The following PDE4B variants were observed in gnomAD, a reference collection of about 807,000 sequenced individuals.
PDE4B encodes 3',5'-cyclic-AMP phosphodiesterase 4B.
Under a neutral mutation model 82.2 loss-of-function variants are expected in PDE4B, and 20 were observed. That is an observed-to-expected ratio of 0.24 (90% CI 0.17 to 0.35). PDE4B has a LOEUF of 0.35. Among genes scored for constraint, PDE4B ranks in the 10% least tolerant of loss-of-function variants. The probability of loss-of-function intolerance (pLI) is 1.00; values close to 1 mark genes in which losing one functional copy is unlikely to be tolerated. For synonymous variants in PDE4B, 320 were observed against 318.9 expected (o/e 1.00, Z -0.04); for missense variants, 655 against 907.2 (o/e 0.72, Z 3.57).
chr1:66,257,339 G>T, intron 4 of PDE4B: 2 of 445,970 alleles, frequency 4.5e-6, no homozygotes, highest in Non-Finnish European at 8.7e-6. Context: ...TCCACAAGTC[G>T]CTTTGAATTA....
intron 1 of PDE4B, among the ~76,000 whole-genome samples, chr1:65,829,766 G>A (rs137927797): frequency 2.1e-3 from 315 of 152,232 alleles, no homozygotes; most frequent in African/African-American, 6.5e-3. Context: ...AAAAGCATCT[G>A]GTACAGATAA....
intron 3 of PDE4B, among the ~76,000 whole-genome samples, chr1:66,069,878 A>G (rs1482323134): frequency 6.6e-6 from 1 of 152,010 alleles, no homozygotes; most frequent in Non-Finnish European, 1.5e-5. Context: ...ACTTATATTT[A>G]TGATTACAAA....
At chr1:66,042,026 A>G (rs1014361353) in intron 3 of PDE4B, among the ~76,000 whole-genome samples, 5 of 151,916 alleles carry the variant, frequency 3.3e-5, no homozygotes, top group Admixed American at 6.6e-5. Flanking sequence ...TCTTGATTCT[A>G]TTTTTATTAC....
At chr1:66,028,105 G>A (rs1054422169) in intron 3 of PDE4B, among the ~76,000 whole-genome samples, 3 of 152,170 alleles carry the variant, frequency 2.0e-5, no homozygotes, top group African/African-American at 7.2e-5. Flanking sequence ...TGAGGGTGCC[G>A]CCTCTGCAGC....
intron 1 of PDE4B, among the ~76,000 whole-genome samples, chr1:65,817,297 G>A (rs1645897401): frequency 9.9e-5 from 15 of 152,190 alleles, no homozygotes; most frequent in Admixed American, 9.8e-4. Context: ...GAACCTTGTT[G>A]ACAGGGAACC....
intron 7 of PDE4B, among the ~76,000 whole-genome samples, chr1:66,303,083 C>CA (rs1229423020): frequency 6.6e-6 from 1 of 152,122 alleles, no homozygotes; most frequent in Non-Finnish European, 1.5e-5. Flanking sequence ...ACTAAGAATA[C>CA]TTATTCACGA....
intron 3 of PDE4B, among the ~76,000 whole-genome samples, chr1:66,138,446 G>C (rs1013197804): frequency 5.3e-5 from 8 of 152,248 alleles, no homozygotes; most frequent in Non-Finnish European, 8.8e-5. Flanking sequence ...TTAAACCCTG[G>C]AGGCGGAGGT....
chr1:66,131,068 TA>T (rs1203246802), intron 3 of PDE4B, among the ~76,000 whole-genome samples: 4 of 152,342 alleles, frequency 2.6e-5, no homozygotes, highest in African/African-American at 9.6e-5. Flanking sequence ...ATGGCCCTTA[TA>T]AGGTTAGGCC....
intron 7 of PDE4B, among the ~76,000 whole-genome samples, chr1:66,274,867 T>C (rs552396052): frequency 6.6e-6 from 1 of 152,334 alleles, no homozygotes; most frequent in East Asian, 1.9e-4. Flanking sequence ...GAAAGCCCTG[T>C]TGAGCTCTTT....
intron 7 of PDE4B, among the ~76,000 whole-genome samples, chr1:66,276,689 C>A (rs1189763113): frequency 6.6e-6 from 1 of 152,160 alleles, no homozygotes; most frequent in Non-Finnish European, 1.5e-5. Context: ...GTATACAAGG[C>A]ACTGTGTTAG....
At position 66,354,813 on chromosome 1, in the gene PDE4B, G is replaced by A. The variant is rs1338434694; in HGVS notation, c.748-714G>A. The A allele has an allele frequency of 5.2e-6, 8 of 1,535,390 alleles. No homozygotes were observed. In the African/African-American group the frequency reaches 1.1e-4, roughly 21 times the overall value. On this transcript the variant is annotated intron_variant, in intron 8 of 16. Transcript: ENST00000341517. ...TCAGAACTGTGAATTCTTTCAAAGG[G>A]ATTTGTGGATTGTGGCAAGGAGAGC... is the stretch of plus-strand genomic sequence containing the variant.
intron 7 of PDE4B, among the ~76,000 whole-genome samples, chr1:66,322,747 A>G (rs1659499262): frequency 1.3e-5 from 2 of 151,764 alleles, no homozygotes; most frequent in South Asian, 2.1e-4. Context: ...TTTTGGGGGG[A>G]CACATTTAGA....
chr1:66,106,832 C>T (rs371624385), intron 3 of PDE4B, among the ~76,000 whole-genome samples: 1 of 100,692 alleles, frequency 9.9e-6, no homozygotes, highest in Non-Finnish European at 2.3e-5. Flanking sequence ...TCTCTCTTTT[C>T]TTCTTTATTA....
intron 3 of PDE4B, among the ~76,000 whole-genome samples, chr1:66,159,536 T>G (rs2088819): frequency 1.3e-5 from 2 of 151,956 alleles, no homozygotes; most frequent in Non-Finnish European, 2.9e-5. Flanking sequence ...CCACCACACC[T>G]GGCCAAAATA....
At chr1:66,004,154 TA>T (rs1652020998) in intron 3 of PDE4B, among the ~76,000 whole-genome samples, 1 of 152,182 alleles carries the variant, frequency 6.6e-6, no homozygotes, top group African/African-American at 2.4e-5. Context: ...TTAAATGAAG[TA>T]ATGTGTGTAT....
At chr1:66,304,268 T>A (rs912759544) in intron 7 of PDE4B, among the ~76,000 whole-genome samples, 2 of 152,124 alleles carry the variant, frequency 1.3e-5, no homozygotes, top group African/African-American at 4.8e-5. Context: ...GCAAAAGCAG[T>A]CATAGGCAAT....
chr1:66,154,750 G>A (rs1646469318), intron 3 of PDE4B, among the ~76,000 whole-genome samples: 1 of 152,160 alleles, frequency 6.6e-6, no homozygotes, highest in African/African-American at 2.4e-5. Context: ...CTCTTCTCAT[G>A]CCTGTCTCTT....
chr1:66,090,057 A>T (rs1394998583), intron 3 of PDE4B, among the ~76,000 whole-genome samples: 1 of 152,102 alleles, frequency 6.6e-6, no homozygotes, highest in Non-Finnish European at 1.5e-5. Context: ...TAGGAATTAC[A>T]TCTCATAATT....
chr1:66,137,508 C>G (rs756686845), intron 3 of PDE4B, among the ~76,000 whole-genome samples: 35 of 152,174 alleles, frequency 2.3e-4, no homozygotes, highest in Non-Finnish European at 3.5e-4. Flanking sequence ...CTAATCCACT[C>G]ATTTAGAAAT....
Sources: allele counts gnomAD v4.1 joint callset (sites outside exome capture counted in the v4.1 genomes callset), GRCh38; gene constraint gnomAD v4.1.1; transcripts MANE v1.5; gene names NCBI Gene and HGNC (gene_info 2026-07-23, HGNC 2026-07-21).